Variants in RESF1 observed in about 807,000 individuals in gnomAD.
RESF1 encodes the protein gonad expressed transcript.
Under a neutral mutation model 134.7 loss-of-function variants are expected in RESF1, and 65 were observed. The observed-to-expected ratio is 0.48, with a 90% confidence interval of 0.40 to 0.59. The LOEUF is 0.59. RESF1 is among the 20% of genes least tolerant of loss of function. The probability of loss-of-function intolerance (pLI) is 0.00; values close to 1 mark genes in which losing one functional copy is unlikely to be tolerated. For missense variants in RESF1, 2,274 were observed against 2,002.7 expected, an observed-to-expected ratio of 1.14 and a Z score of -2.59; for synonymous variants, 762 against 702.2, an observed-to-expected ratio of 1.09 and a Z score of -1.35.
chr12:31,988,623 G>A (rs779097313), intron 5 of RESF1, among the ~76,000 whole-genome samples: 2 of 152,124 alleles, frequency 1.3e-5, no homozygotes, highest in Non-Finnish European at 1.5e-5. Flanking sequence ...AATGAGACCG[G>A]TCCTAGCTGT....
chr12:31,963,334 G>T (rs1361285893), intron 2 of RESF1, among the ~76,000 whole-genome samples: 1 of 146,228 alleles, frequency 6.8e-6, no homozygotes, highest in East Asian at 2.0e-4. Context: ...GACAGAGCGA[G>T]ACTGTCTCAA....
Position 31,985,674 on chromosome 12 carries a change from A to G in RESF1, c.4719A>G (p.Gln1573=). The change falls in exon 4 of 6, where the codon CAA becomes CAG. Residue 1573 remains glutamine (Q), a synonymous_variant. Transcript: ENST00000312561. ...NEAQFSQMPP[Q]VKDQKKLYLN... ...CTCAATTCAGCCAAATGCCTCCCCAAGTAAAGGATCAAAAGAAATTATATC... is the reference window on the plus strand; with the variant it reads ...CTCAATTCAGCCAAATGCCTCCCCAGGTAAAGGATCAAAAGAAATTATATC... 6.2e-7 allele frequency: 1 copy of G among 1,613,106 alleles called. No homozygotes were observed. The highest frequency in any genetic ancestry group is 8.5e-7 in the Non-Finnish European group (1 of 1,179,780).
intron 2 of RESF1, among the ~76,000 whole-genome samples, chr12:31,963,190 C>T (rs1316517652): frequency 6.6e-6 from 1 of 151,806 alleles, no homozygotes; most frequent in Middle Eastern, 3.2e-3. Flanking sequence ...AGGTGAAACC[C>T]CAAAATTAGC....
At chr12:31,975,668 A>G (rs1483275642) in intron 3 of RESF1, among the ~76,000 whole-genome samples, 1 of 152,186 alleles carries the variant, frequency 6.6e-6, no homozygotes, top group Non-Finnish European at 1.5e-5. Flanking sequence ...ACTTTGTAAA[A>G]AGTACCACTA....
chr12:31,978,712 A>ATT (rs35842957), intron 3 of RESF1, among the ~76,000 whole-genome samples: 36 of 121,914 alleles, frequency 3.0e-4, no homozygotes, highest in Admixed American at 8.0e-4. Context: ...CACCCAGCTA[A>ATT]TTTTTTTTTT....
intron 5 of RESF1, among the ~76,000 whole-genome samples, chr12:31,991,270 T>C (rs1173337915): frequency 6.6e-6 from 1 of 151,222 alleles, no homozygotes; most frequent in East Asian, 1.9e-4. Flanking sequence ...CTTGAAGTCC[T>C]AAGTTAGGGT....
At chr12:31,964,176 TG>T (rs1280497310) in intron 2 of RESF1, among the ~76,000 whole-genome samples, 1 of 150,812 alleles carries the variant, frequency 6.6e-6, no homozygotes, top group East Asian at 1.9e-4. Flanking sequence ...TGTGTAGGTT[TG>T]GGGGTACGTG....
intron 5 of RESF1, among the ~76,000 whole-genome samples, chr12:31,991,260 CT>C (rs1940088016): frequency 6.6e-6 from 1 of 150,572 alleles, no homozygotes. Flanking sequence ...TTGCAGCAAA[CT>C]TGAAGTCCTA....
rs763354998 is a variant in RESF1, at chr12:31,983,197, T to TA, written c.2242_2243insA (p.Ser748TyrfsTer39). 1 of 1,610,882 alleles carries TA rather than the reference T, an allele frequency of 6.2e-7. No individual in the cohort carries two copies. Among genetic ancestry groups the TA allele is most frequent in the Non-Finnish European group, 8.5e-7 (1 of 1,178,848 alleles). On this transcript the variant is annotated frameshift_variant, in exon 4 of 6. Transcript: ENST00000312561. LOFTEE classifies it high-confidence loss of function. ...GATGGTAATGCACAATTATGAGTCT[T>TA]CAGGTATAAATATAACAAAGGGAAC... is the stretch of plus-strand genomic sequence containing the variant.
intron 2 of RESF1, among the ~76,000 whole-genome samples, chr12:31,963,080 C>G (rs1240646478): frequency 6.7e-6 from 1 of 149,506 alleles, no homozygotes; most frequent in East Asian, 2.0e-4. Context: ...AAATAAAGTC[C>G]ATGGGCTGGT....
At chr12:31,967,545 T>G (rs994770484) in intron 2 of RESF1, among the ~76,000 whole-genome samples, 11 of 152,186 alleles carry the variant, frequency 7.2e-5, no homozygotes, top group Non-Finnish European at 1.5e-4. Flanking sequence ...AAAACTTAGC[T>G]AACACAGTAC....
rs762312011 is a variant in RESF1, at chr12:31,982,602, CA to C, written c.1650del (p.Val551LeufsTer49). On this transcript the variant is annotated frameshift_variant, in exon 4 of 6. Coordinates refer to ENST00000312561, the MANE Select transcript of RESF1 (RefSeq NM_018169.4). LOFTEE classifies it high-confidence loss of function. ...NTQLSSENVT[K>X]VEQNSPAVCE... ...CTCAGCTTTCATCAGAAAATGTTAC[CA>C]AAGTTGAGCAAAATTCACCAGCAGT... is the stretch of plus-strand genomic sequence containing the variant. The C allele has an allele frequency of 6.2e-7, 1 of 1,613,910 alleles. No homozygotes were observed. Among genetic ancestry groups the C allele is most frequent in the South Asian group, 1.1e-5 (1 of 91,074 alleles).
chr12:31,992,252 CTT>C (rs1447907131), intron 5 of RESF1, 124 bp from the exon 6 acceptor site: 3 of 781,088 alleles, frequency 3.8e-6, no homozygotes, highest in Non-Finnish European at 6.4e-6. Flanking sequence ...GGTTCTGAAA[CTT>C]TTGCTTAACT....
intron 4 of RESF1, among the ~76,000 whole-genome samples, chr12:31,986,607 G>A (rs1428496866): frequency 6.6e-6 from 1 of 152,202 alleles, no homozygotes; most frequent in Non-Finnish European, 1.5e-5. Flanking sequence ...TAGCTTAATG[G>A]TAGACTTCTC....
In RESF1 at chr12:31,981,942, A is replaced by G. The variant is rs898508859; in HGVS notation, c.987A>G (p.Glu329=). The stretch of plus-strand genomic sequence containing the variant: ...AACAGCAGTGGCAAAACCCTAATGA[A>G]AATGTCAGCACAATTGGAAATTTCA... ...SFQQQWQNPN[E]NVSTIGNFTN... Residue 329 remains glutamate (E), a synonymous_variant, in exon 4 of 6, where the codon GAA becomes GAG. Coordinates refer to ENST00000312561, the MANE Select transcript of RESF1 (RefSeq NM_018169.4). 2.5e-6 allele frequency: 4 copies of G among 1,614,092 alleles called. No individual in the cohort carries two copies. The African/African-American group carries it at 5.3e-5, about 22-fold the overall frequency.
intron 2 of RESF1, among the ~76,000 whole-genome samples, chr12:31,968,454 T>G (rs1187746861): frequency 6.7e-6 from 1 of 149,852 alleles, no homozygotes; most frequent in Non-Finnish European, 1.5e-5. Context: ...ACTTCTCTTT[T>G]TTTTTTTTTT....
Position 31,981,619 on chromosome 12 carries a change from C to T in RESF1, c.664C>T (p.Pro222Ser). The T allele has an allele frequency of 6.2e-7, 1 of 1,614,106 alleles. No individual in the cohort carries two copies. The highest frequency in any genetic ancestry group is 1.6e-4 in the Middle Eastern group (1 of 6,062). Reference protein sequence around the residue: ...RPPPKLYRYSPQSFLPDSTIQ... With the variant: ...RPPPKLYRYSSQSFLPDSTIQ... ...ACCTCCAAAGCTATACCGTTACTCA[C>T]CACAAAGCTTTTTACCAGATTCTAC... Residue 222 changes from proline to serine, a missense_variant, in exon 4 of 6, where the codon CCA (proline) becomes TCA (serine). Physicochemically the swap from Pro to Ser is moderately conservative, Grantham distance 74. Coordinates refer to ENST00000312561, the MANE Select transcript of RESF1 (RefSeq NM_018169.4).
At position 31,982,689 on chromosome 12, in the gene RESF1, A is replaced by G; in HGVS notation, c.1734A>G (p.Gln578=). 1.2e-6 allele frequency: 2 copies of G among 1,614,044 alleles called. No individual in the cohort carries two copies. The highest frequency in any genetic ancestry group is 2.7e-5 in the African/African-American group (2 of 75,076). ...MSTEEYKSKI[Q]NENMLLLALL... Reference sequence around the variant, plus strand: ...CTGAGGAATATAAATCAAAAATTCAAAATGAAAATATGCTACTTCTCGCTT... The same window carrying G: ...CTGAGGAATATAAATCAAAAATTCAGAATGAAAATATGCTACTTCTCGCTT... Residue 578 remains glutamine (Q), a synonymous_variant, in exon 4 of 6, where the codon CAA becomes CAG. Transcript: ENST00000312561.
At position 31,983,221 on chromosome 12, in the gene RESF1, A is replaced by T; in HGVS notation, c.2266A>T (p.Thr756Ser). 6.2e-7 allele frequency: 1 copy of T among 1,609,714 alleles called. No individual in the cohort carries two copies. The highest frequency in any genetic ancestry group is 8.5e-7 in the Non-Finnish European group (1 of 1,178,202). Reference sequence around the variant, plus strand: ...TTCAGGTATAAATATAACAAAGGGAACAGAACTTCAGATAGCTGTAGTGTC... The same window carrying T: ...TTCAGGTATAAATATAACAAAGGGATCAGAACTTCAGATAGCTGTAGTGTC... ...ESSGINITKG[T>S]ELQIAVVSPL... The change falls in exon 4 of 6, where the codon ACA (threonine) becomes TCA (serine). Residue 756 changes from threonine to serine, a missense_variant. Thr to Ser is a moderately conservative substitution (Grantham distance 58). Transcript: ENST00000312561.
Sources: allele counts gnomAD v4.1 joint callset (sites outside exome capture counted in the v4.1 genomes callset), GRCh38; gene constraint gnomAD v4.1.1; transcripts MANE v1.5; gene names NCBI Gene and HGNC (gene_info 2026-07-23, HGNC 2026-07-21).